Variants in MED12L observed in about 807,000 individuals in gnomAD.
MED12L encodes mediator complex subunit 12L.
Under a neutral mutation model 281.3 loss-of-function variants are expected in MED12L, and 60 were observed. The ratio of observed to expected loss-of-function variants is 0.21; its 90% CI spans 0.17 to 0.26. The LOEUF is 0.26. MED12L is among the 10% of genes least tolerant of loss of function. The pLI, the probability that MED12L is intolerant of heterozygous loss-of-function variation, is 1.00. For missense variants in MED12L, 2,146 were observed against 2,680.9 expected, an observed-to-expected ratio of 0.80 and a Z score of 4.41; for synonymous variants, 974 against 987.2, an observed-to-expected ratio of 0.99 and a Z score of 0.25.
intron 5 of MED12L, among the ~76,000 whole-genome samples, chr3:151,149,437 A>G (rs994381380): frequency 2.0e-5 from 3 of 152,212 alleles, no homozygotes; most frequent in African/African-American, 7.2e-5. Context: ...AAAAAAAGTA[A>G]CATCTTAATT....
At chr3:151,127,018 T>G (rs1025701710) in intron 4 of MED12L, among the ~76,000 whole-genome samples, 6 of 152,134 alleles carry the variant, frequency 3.9e-5, no homozygotes, top group African/African-American at 1.2e-4. Flanking sequence ...GCTAATATAG[T>G]CTTTGTTCAC....
chr3:151,219,891 A>AC lies in MED12L; in HGVS notation c.2250+26239dup, dbSNP rs141293857. Among the ~76,000 whole-genome samples the AC allele has an allele frequency of 5.3e-3, 490 of 92,068 alleles. 4 individuals are homozygous for AC. The highest frequency in any genetic ancestry group is 0.015 in the African/African-American group (310 of 20,734). 60.4% of individuals were successfully genotyped at this position (92,068 alleles called of 152,430 possible). On this transcript the variant is annotated intron_variant, in intron 16 of 44. Transcript: ENST00000687756. ...GTGGTTTTGGTTATTGGTTTATATT[A>AC]CCCCCCCCCCCCCCTTGGATATGGA...
At chr3:151,314,601 A>G (rs1747989240) in intron 16 of MED12L, among the ~76,000 whole-genome samples, 1 of 152,224 alleles carries the variant, frequency 6.6e-6, no homozygotes, top group South Asian at 2.1e-4. Flanking sequence ...TAGAGGAAGA[A>G]TCTGAGACCT....
At chr3:151,335,197 T>C (rs924941920) in intron 16 of MED12L, among the ~76,000 whole-genome samples, 3 of 152,208 alleles carry the variant, frequency 2.0e-5, no homozygotes, top group African/African-American at 4.8e-5. Context: ...AGTCACCCTA[T>C]TGTGCTATGG....
Position 151,189,281 on chromosome 3 carries a change from G to C in MED12L, c.1753+801G>C, listed in dbSNP as rs1013234841. Among the ~76,000 whole-genome samples the C allele has an allele frequency of 5.9e-5, 9 of 152,266 alleles. No homozygotes were observed. The East Asian group carries it at 7.7e-4, about 13-fold the overall frequency. ...GCAGGTGAGGTTCTTTGAGACAAAG[G>C]GCTCTCTCAGTTATTTGGTGGCTTC... On this transcript the variant is annotated intron_variant, in intron 13 of 44. Transcript: ENST00000687756.
intron 16 of MED12L, among the ~76,000 whole-genome samples, chr3:151,227,325 T>C (rs540186666): frequency 1.3e-4 from 20 of 152,344 alleles, no homozygotes; most frequent in African/African-American, 4.8e-4. Flanking sequence ...CTCTTGATCT[T>C]CGTATTCACA....
At chr3:151,247,937 GT>G (rs1358401087) in intron 16 of MED12L, among the ~76,000 whole-genome samples, 4 of 74,368 alleles carry the variant, frequency 5.4e-5, no homozygotes, top group Non-Finnish European at 5.9e-5. Context: ...ATTTTCTTTT[GT>G]TTACTTTCTT....
chr3:151,183,648 C>T (rs1343750610), intron 11 of MED12L, among the ~76,000 whole-genome samples: 1 of 152,234 alleles, frequency 6.6e-6, no homozygotes, highest in Non-Finnish European at 1.5e-5. Flanking sequence ...GAAATCTGTT[C>T]TCCCACGTAG....
intron 16 of MED12L, among the ~76,000 whole-genome samples, chr3:151,244,761 T>A (rs528484233): frequency 4.8e-4 from 73 of 151,874 alleles, no homozygotes; most frequent in African/African-American, 1.7e-3. Context: ...AAGAAATAAC[T>A]AAAATCGGAG....
intron 16 of MED12L, among the ~76,000 whole-genome samples, chr3:151,321,948 G>A (rs1209555586): frequency 6.6e-6 from 1 of 151,964 alleles, no homozygotes; most frequent in Non-Finnish European, 1.5e-5. Context: ...TGAGAATGGA[G>A]GCAAGGAAGC....
chr3:151,319,874 T>A (rs1164428531), intron 16 of MED12L, among the ~76,000 whole-genome samples: 2 of 152,204 alleles, frequency 1.3e-5, no homozygotes, highest in African/African-American at 4.8e-5. Context: ...CCCGTAATCT[T>A]ACTGATTTTT....
At chr3:151,108,555 GAA>G (rs1386086762) in intron 2 of MED12L, among the ~76,000 whole-genome samples, 1 of 152,154 alleles carries the variant, frequency 6.6e-6, no homozygotes, top group Non-Finnish European at 1.5e-5. Context: ...ATAAAACCAT[GAA>G]AAGTGTTTTG....
At chr3:151,425,758 TATC>T (rs1411233368) in intron 43 of MED12L, 1 of 456,654 alleles carries the variant, frequency 2.2e-6, no homozygotes, top group Non-Finnish European at 4.4e-6. Context: ...GAGAAGCAAT[TATC>T]ATGTTAAACC....
intron 16 of MED12L, among the ~76,000 whole-genome samples, chr3:151,296,893 T>G (rs1194000720): frequency 6.6e-6 from 1 of 152,190 alleles, no homozygotes; most frequent in African/African-American, 2.4e-5. Context: ...CTCACTGCCC[T>G]GCACACAGGC....
chr3:151,213,238 C>G, intron 16 of MED12L: 2 of 1,256,952 alleles, frequency 1.6e-6, no homozygotes, highest in Non-Finnish European at 1.1e-6. Context: ...TTATTGATTT[C>G]TGTTATGTAA....
intron 16 of MED12L, among the ~76,000 whole-genome samples, chr3:151,211,833 A>T (rs1376124115): frequency 1.3e-5 from 2 of 152,110 alleles, no homozygotes; most frequent in Non-Finnish European, 2.9e-5. Context: ...TTTTGTAGAG[A>T]CAGAGTTTCG....
At chr3:151,382,196 G>A (rs540567700) in intron 32 of MED12L, among the ~76,000 whole-genome samples, 1 of 152,134 alleles carries the variant, frequency 6.6e-6, no homozygotes, top group Admixed American at 6.5e-5. Context: ...TCTTTATCAA[G>A]GAAGACACAT....
chr3:151,412,202 G>A (rs933772864), intron 41 of MED12L, among the ~76,000 whole-genome samples: 12 of 152,308 alleles, frequency 7.9e-5, no homozygotes, highest in Admixed American at 2.6e-4. Flanking sequence ...AGCTTCAATG[G>A]TGTGTGACGT....
chr3:151,169,244 A>C (rs1293426856), intron 11 of MED12L, among the ~76,000 whole-genome samples: 5 of 150,874 alleles, frequency 3.3e-5, no homozygotes, highest in Non-Finnish European at 5.9e-5. Flanking sequence ...CAGCCTTCCA[A>C]GTAGCTGGAA....
Sources: allele counts gnomAD v4.1 joint callset (sites outside exome capture counted in the v4.1 genomes callset), GRCh38; gene constraint gnomAD v4.1.1; transcripts MANE v1.5; gene names NCBI Gene and HGNC (gene_info 2026-07-23, HGNC 2026-07-21).